The following SEZ6 variants were observed in gnomAD, a reference collection of about 807,000 sequenced individuals.
SEZ6 encodes seizure related 6 homolog.
SEZ6 carries 53 observed loss-of-function variants against 101.0 expected under a neutral mutation model. The ratio of observed to expected loss-of-function variants is 0.52; its 90% CI spans 0.42 to 0.66. The LOEUF is 0.66. Among genes scored for constraint, SEZ6 ranks in the 30% least tolerant of loss-of-function variants. The pLI is 0.00. For missense variants in SEZ6, 1,102 were observed against 1,289.4 expected, an observed-to-expected ratio of 0.85 and a Z score of 2.23; for synonymous variants, 488 against 512.2, an observed-to-expected ratio of 0.95 and a Z score of 0.64.
chr17:28,971,361 G>A (rs972663487), intron 3 of SEZ6, among the ~76,000 whole-genome samples: 7 of 152,194 alleles, frequency 4.6e-5, no homozygotes, highest in Non-Finnish European at 7.3e-5. Context: ...GGGAGGCCAA[G>A]GCAGGTGGAT....
Position 29,005,782 on chromosome 17 carries a change from C to A in SEZ6, c.55+33G>T, listed in dbSNP as rs2041681053. The A allele has an allele frequency of 6.8e-7, 1 of 1,477,954 alleles. No homozygotes were observed. The allele number at this position is 1,477,954 out of a possible 1,614,324, so 91.6% of individuals were successfully genotyped here. A position where few individuals can be genotyped will look rare whatever the true frequency, so the allele number is the denominator to read the frequency against. ...CCACCCCTGGGGCCCCGCTCCCGCCCCCGTCCTGCCGCCGGATGCCGGGGT... is the reference window on the plus strand; with the variant it reads ...CCACCCCTGGGGCCCCGCTCCCGCCACCGTCCTGCCGCCGGATGCCGGGGT... On this transcript the variant is annotated intron_variant, in intron 1 of 16. Transcript: ENST00000317338. The surrounding 1 kb of genome is among the most constrained non-coding windows in gnomAD (Gnocchi z 4.8).
At chr17:28,990,422 C>T (rs986158281) in intron 1 of SEZ6, among the ~76,000 whole-genome samples, 4 of 152,032 alleles carry the variant, frequency 2.6e-5, no homozygotes, top group African/African-American at 9.7e-5. Context: ...TGCCACCACA[C>T]CCAGACAGTT....
chr17:28,958,449 A>G (rs1304427086), intron 10 of SEZ6, among the ~76,000 whole-genome samples: 6 of 152,222 alleles, frequency 3.9e-5, no homozygotes, highest in African/African-American at 4.8e-5. Flanking sequence ...AAAGATTGTC[A>G]GAAAGATAGA....
intron 5 of SEZ6, 106 bp downstream of exon 5, chr17:28,963,856 T>A: frequency 7.2e-7 from 1 of 1,392,812 alleles, no homozygotes; most frequent in Admixed American, 2.0e-5. Context: ...ATTTTCTGGC[T>A]TCCTTATGAA....
chr17:28,991,471 G>T (rs2041456790), intron 1 of SEZ6, among the ~76,000 whole-genome samples: 1 of 152,236 alleles, frequency 6.6e-6, no homozygotes, highest in African/African-American at 2.4e-5. Flanking sequence ...CTCCCAAAGT[G>T]CTGGGATTAC....
At position 29,005,338 on chromosome 17, in the gene SEZ6, A is replaced by G. The variant is rs898575844; in HGVS notation, c.55+477T>C. Among the ~76,000 whole-genome samples, 1 of 151,944 alleles carries G rather than the reference A, an allele frequency of 6.6e-6. No individual in the cohort carries two copies. The highest frequency in any genetic ancestry group is 6.5e-5 in the Admixed American group (1 of 15,278). On this transcript the variant is annotated intron_variant, in intron 1 of 16. Transcript: ENST00000317338. This position sits in a 1 kb window ranked among gnomAD's most constrained non-coding sequence, Gnocchi z 4.8. ...CCGCCATCCGGCCCCGTCTCCCCTC[A>G]GTAAGAACACTAGAGGCCCTGGAAC...
intron 5 of SEZ6, 100 bp downstream of exon 5, chr17:28,963,862 A>G (rs1281654991): frequency 2.1e-6 from 3 of 1,431,998 alleles, no homozygotes; most frequent in African/African-American, 1.4e-5. Flanking sequence ...TGGCTTCCTT[A>G]TGAAGAGCAA....
At chr17:28,998,851 C>T (rs1043904355) in intron 1 of SEZ6, among the ~76,000 whole-genome samples, 6 of 152,314 alleles carry the variant, frequency 3.9e-5, no homozygotes, top group Admixed American at 2.0e-4. Flanking sequence ...GAAACTGAGG[C>T]CTTGAGCGGT....
At chr17:28,956,574 T>C in intron 14 of SEZ6, 107 bp from the exon 15 acceptor site, 2 of 1,463,214 alleles carry the variant, frequency 1.4e-6, no homozygotes, top group Non-Finnish European at 1.9e-6. Context: ...TCTAGCTGGC[T>C]GGGTGTAGGG....
In SEZ6 at chr17:28,956,706, G is replaced by T; in HGVS notation, c.2731+13C>A. ...GGGAGACCACTTCTCTGGCCTCAAG[G>T]GTGGAGACTTACCATCCAGGCTGCG... On this transcript the variant is annotated intron_variant, in intron 14 of 16. Coordinates refer to ENST00000317338, the MANE Select transcript of SEZ6 (RefSeq NM_178860.5). The T allele has an allele frequency of 1.3e-6, 2 of 1,558,838 alleles. No homozygotes were observed. Among genetic ancestry groups the T allele is most frequent in the Non-Finnish European group, 1.7e-6 (2 of 1,151,050 alleles).
Position 28,957,973 on chromosome 17 carries a change from C to G in SEZ6, c.2276G>C (p.Ser759Thr). 1.2e-6 allele frequency: 2 copies of G among 1,613,910 alleles called. No homozygotes were observed. The highest frequency in any genetic ancestry group is 1.3e-5 in the African/African-American group (1 of 75,036). Reference sequence around the variant, plus strand: ...CCTCTGGCATGAGGGCAGGTCCTCACTCCAAGTTAGGTCCCACTGGCACAT... The same window carrying G: ...CCTCTGGCATGAGGGCAGGTCCTCAGTCCAAGTTAGGTCCCACTGGCACAT... ...VLMCQWDLTW[S>T]EDLPSCQRVT... Residue 759 changes from serine to threonine, a missense_variant, in exon 11 of 17, where the codon AGT becomes ACT. Coordinates refer to ENST00000317338, the MANE Select transcript of SEZ6 (RefSeq NM_178860.5).
chr17:28,956,032 C>T (rs1164429643), intron 16 of SEZ6, 38 bp from the exon 17 acceptor site: 1 of 1,610,124 alleles, frequency 6.2e-7, no homozygotes, highest in Non-Finnish European at 8.5e-7. Context: ...GTTTGCCAGG[C>T]CATAATTCAC....
At chr17:28,997,041 G>C (rs561580481) in intron 1 of SEZ6, among the ~76,000 whole-genome samples, 1 of 152,082 alleles carries the variant, frequency 6.6e-6, no homozygotes, top group Non-Finnish European at 1.5e-5. Flanking sequence ...CGGCTCAGGA[G>C]CATCACTCGA....
At chr17:28,979,467 G>T (rs575912254) in intron 3 of SEZ6, among the ~76,000 whole-genome samples, 1 of 152,238 alleles carries the variant, frequency 6.6e-6, no homozygotes, top group Non-Finnish European at 1.5e-5. Flanking sequence ...TCCAAGGCTA[G>T]AGCCCCCTCC....
intron 1 of SEZ6, among the ~76,000 whole-genome samples, chr17:28,998,607 G>T (rs1334559547): frequency 6.6e-6 from 1 of 152,132 alleles, no homozygotes; most frequent in African/African-American, 2.4e-5. Context: ...AATCAGTGGG[G>T]TGGTGACTGG....
rs774704623 is a variant in SEZ6 at position 28,960,855 on chromosome 17, C to T, written c.1359G>A (p.Gln453=). 1 of 1,614,018 alleles carries T rather than the reference C, an allele frequency of 6.2e-7. No homozygotes were observed. The highest frequency in any genetic ancestry group is 8.5e-7 in the Non-Finnish European group (1 of 1,179,870). Residue 453 remains glutamine (Q), a synonymous_variant, in exon 6 of 17, where the codon CAG becomes CAA. Coordinates refer to ENST00000317338, the MANE Select transcript of SEZ6 (RefSeq NM_178860.5). ...CHWLLEAPEG[Q]RLHLHFEKVS... is the part of the protein sequence containing the mutation. ...CCTTCTCAAAGTGCAGGTGTAGCCG[C>T]TGGCCCTCAGGAGCCTCAAGCAGCC...
At position 29,005,945 on chromosome 17, in the gene SEZ6, G is replaced by A. The variant is rs952917231; in HGVS notation, c.-76C>T. 7.9e-6 allele frequency: 10 copies of A among 1,263,184 alleles called. No homozygotes were observed. In the African/African-American group the frequency reaches 1.1e-4, roughly 14 times the overall value. The allele number at this position is 1,263,184 out of a possible 1,614,324, so 78.2% of individuals were successfully genotyped here. ...GGGCTTGGTGGGGCTTGGGCGCGGG[G>A]GCAGAGCCGGGTCCGGCCGGGTAGA... On this transcript the variant is annotated 5_prime_UTR_variant, in exon 1 of 17. Coordinates refer to ENST00000317338, the MANE Select transcript of SEZ6 (RefSeq NM_178860.5). This position sits in a 1 kb window ranked among gnomAD's most constrained non-coding sequence, Gnocchi z 4.8.
At position 29,005,678 on chromosome 17, in the gene SEZ6, C is replaced by T; in HGVS notation, c.55+137G>A. 1 of 827,604 alleles carries T rather than the reference C, an allele frequency of 1.2e-6. No individual in the cohort carries two copies. Among genetic ancestry groups the T allele is most frequent in the Non-Finnish European group, 1.6e-6 (1 of 633,714 alleles). The allele number at this position is 827,604 out of a possible 1,614,324, so 51.3% of individuals were successfully genotyped here. A position where few individuals can be genotyped will look rare whatever the true frequency, so the allele number is the denominator to read the frequency against. On this transcript the variant is annotated intron_variant, in intron 1 of 16. Coordinates refer to ENST00000317338, the MANE Select transcript of SEZ6 (RefSeq NM_178860.5). This position sits in a 1 kb window ranked among gnomAD's most constrained non-coding sequence, Gnocchi z 4.8. ...GCGCCCCGCCCGGCTTGGCCGGCGC[C>T]GGGGGCAGCGCAGCCGGCGGGGCGC...
chr17:28,964,379 G>C (rs1217870305), intron 4 of SEZ6, among the ~76,000 whole-genome samples: 1 of 152,138 alleles, frequency 6.6e-6, no homozygotes, highest in Non-Finnish European at 1.5e-5. Flanking sequence ...GAAGGGTTAG[G>C]TTCTGGCTCA....
Sources: gnomAD v4.1 joint callset for allele counts (sites outside exome capture counted in the v4.1 genomes callset) on GRCh38, gnomAD v4.1.1 for gene constraint, Gnocchi (gnomAD v3.1) non-coding constraint, MANE v1.5 for transcripts, NCBI Gene and HGNC (gene_info 2026-07-23, HGNC 2026-07-21) for gene names.